The following LINGO2 variants were observed in gnomAD, a reference collection of about 807,000 sequenced individuals.
The protein encoded by LINGO2 is leucine rich repeat and Ig domain containing 2.
A neutral mutation model predicts 30.6 loss-of-function variants in LINGO2; 14 were observed. That is an observed-to-expected ratio of 0.46 (90% CI 0.30 to 0.72). LINGO2 has a LOEUF of 0.72. Ranked by LOEUF, LINGO2 falls within the 30% of genes least tolerant of loss-of-function variation. The pLI is 0.07. For synonymous variants in LINGO2, 317 were observed against 288.5 expected (o/e 1.10, Z -1.00); for missense variants, 729 against 751.7 (o/e 0.97, Z 0.35).
chr9:28,017,209 C>A (rs1457338258), intron 4 of LINGO2, among the ~76,000 whole-genome samples: 8 of 152,118 alleles, frequency 5.3e-5, no homozygotes, highest in Non-Finnish European at 7.4e-5. Context: ...TAAGAGCCAT[C>A]TATGACAAAC....
rs754215724 is a variant in LINGO2, at chr9:27,950,658, G to A, written c.14C>T (p.Ala5Val). The change falls in exon 6 of 6, where the codon GCC becomes GTC. Residue 5 changes from alanine to valine, a missense_variant. By Grantham distance (64) the Ala-to-Val change is moderately conservative (BLOSUM62 0). Transcript: ENST00000379992. ...CAGGAATGGCTGCCAGCATGATATGGCCGTGTGAAGCATGACTCCACTTCT... is the reference window on the plus strand; with the variant it reads ...CAGGAATGGCTGCCAGCATGATATGACCGTGTGAAGCATGACTCCACTTCT... 3.3e-6 allele frequency: 5 copies of A among 1,509,242 alleles called. No homozygotes were observed. In the East Asian group the frequency reaches 1.1e-4, roughly 34 times the overall value. 93.5% of individuals were successfully genotyped at this position (1,509,242 alleles called of 1,614,324 possible).
At chr9:28,952,994 T>C in the LINGO2 span, among the ~76,000 whole-genome samples, 2 of 152,170 alleles carry the variant, frequency 1.3e-5, no homozygotes, top group African/African-American at 4.8e-5. Flanking sequence ...GGCATTGGCA[T>C]AGAATAACTC....
At chr9:28,052,535 A>G (rs1163347995) in intron 4 of LINGO2, among the ~76,000 whole-genome samples, 2 of 152,184 alleles carry the variant, frequency 1.3e-5, no homozygotes, top group South Asian at 4.1e-4. Context: ...GCCAGAGATG[A>G]CACTGCACAG....
intron 4 of LINGO2, among the ~76,000 whole-genome samples, chr9:28,069,482 G>A (rs997063071): frequency 1.3e-5 from 2 of 152,166 alleles, no homozygotes; most frequent in Admixed American, 1.3e-4. Flanking sequence ...TTGTGGTAGA[G>A]AAACTATTTC....
the LINGO2 span, among the ~76,000 whole-genome samples, chr9:28,918,242 A>G: frequency 1.3e-5 from 2 of 152,060 alleles, no homozygotes. Flanking sequence ...AAAAGCGGAA[A>G]CCCCTGCATC....
intron 1 of LINGO2, among the ~76,000 whole-genome samples, chr9:28,568,689 T>C (rs10122779): frequency 0.14 from 19,275 of 135,658 alleles, 1,369 homozygotes; most frequent in East Asian, 0.3. Context: ...TGGAAATATA[T>C]ATTGAAAATG....
intron 5 of LINGO2, among the ~76,000 whole-genome samples, chr9:28,002,902 C>T (rs757066102): frequency 5.3e-5 from 8 of 151,968 alleles, no homozygotes; most frequent in Non-Finnish European, 1.0e-4. Context: ...AGTGTGAGTG[C>T]GTGTCAGTGT....
the LINGO2 span, among the ~76,000 whole-genome samples, chr9:29,003,702 G>A: frequency 8.6e-5 from 13 of 151,930 alleles, no homozygotes; most frequent in Admixed American, 6.6e-4. Context: ...TCAGAGAGAA[G>A]AGGTTACAAG....
the LINGO2 span, among the ~76,000 whole-genome samples, chr9:28,963,163 G>C: frequency 0.023 from 3,442 of 151,908 alleles, 116 homozygotes; most frequent in African/African-American, 0.078. Flanking sequence ...ATCACAATAA[G>C]ACATTTTGTA....
At chr9:29,188,697 G>A in the LINGO2 span, among the ~76,000 whole-genome samples, 14 of 124,526 alleles carry the variant, frequency 1.1e-4, no homozygotes, top group Admixed American at 1.0e-3. Flanking sequence ...CTGGCCAGGC[G>A]GGGGGCTGAC....
intron 1 of LINGO2, among the ~76,000 whole-genome samples, chr9:28,525,862 T>G (rs1386169213): frequency 6.6e-6 from 1 of 152,026 alleles, no homozygotes; most frequent in African/African-American, 2.4e-5. Flanking sequence ...GAGACCATCC[T>G]GGCTAACGCG....
intron 2 of LINGO2, among the ~76,000 whole-genome samples, chr9:28,407,169 A>C (rs535229126): frequency 6.6e-6 from 1 of 152,236 alleles, no homozygotes; most frequent in African/African-American, 2.4e-5. Flanking sequence ...TAAGGAAAGA[A>C]GGAAGGACAT....
intron 1 of LINGO2, among the ~76,000 whole-genome samples, chr9:28,633,781 T>C (rs1338210664): frequency 1.3e-5 from 2 of 152,222 alleles, no homozygotes; most frequent in South Asian, 4.1e-4. Flanking sequence ...GAACTTAATT[T>C]CTTTGTAGTG....
chr9:28,550,072 TA>T (rs1361901686), intron 1 of LINGO2, among the ~76,000 whole-genome samples: 5 of 151,900 alleles, frequency 3.3e-5, no homozygotes, highest in Non-Finnish European at 7.4e-5. Flanking sequence ...TTTTATATTT[TA>T]AATTCAATGT....
chr9:28,239,992 A>G lies in LINGO2; in HGVS notation c.-87+55216T>C, dbSNP rs73429534. On this transcript the variant is annotated intron_variant, in intron 4 of 5. Transcript: ENST00000379992. ...AGCAGCACTTCTGTATGCCAATAGT[A>G]AACAATGTGAAAAATAAATTAAAAA... Among the ~76,000 whole-genome samples the G allele has an allele frequency of 6.4e-3, 971 of 152,290 alleles. 12 individuals carry two copies. Among genetic ancestry groups the G allele is most frequent in the African/African-American group, 0.022 (917 of 41,584 alleles).
the LINGO2 span, among the ~76,000 whole-genome samples, chr9:28,860,602 A>G: frequency 6.6e-6 from 1 of 151,834 alleles, no homozygotes. Flanking sequence ...ATAGATAGAT[A>G]GATAGTCTTT....
intron 4 of LINGO2, among the ~76,000 whole-genome samples, chr9:28,234,121 C>T (rs1024168447): frequency 6.6e-6 from 1 of 152,084 alleles, no homozygotes; most frequent in South Asian, 2.1e-4. Flanking sequence ...GTAGAGCAAC[C>T]AGCAGATTCT....
intron 1 of LINGO2, among the ~76,000 whole-genome samples, chr9:28,480,586 T>C (rs1385653185): frequency 6.6e-6 from 1 of 152,066 alleles, no homozygotes; most frequent in African/African-American, 2.4e-5. Context: ...GGGGAAACTA[T>C]TGCCAGGAGG....
At chr9:28,482,531 G>T (rs913174812) in intron 1 of LINGO2, among the ~76,000 whole-genome samples, 46 of 152,124 alleles carry the variant, frequency 3.0e-4, no homozygotes, top group African/African-American at 1.0e-3. Flanking sequence ...TTAGCCCTTT[G>T]TCAGATGAGT....
Sources: allele counts gnomAD v4.1 joint callset (sites outside exome capture counted in the v4.1 genomes callset), GRCh38; gene constraint gnomAD v4.1.1; transcripts MANE v1.5; gene names NCBI Gene and HGNC (gene_info 2026-07-23, HGNC 2026-07-21).